The following GIPC2 variants were observed in gnomAD, a reference collection of about 807,000 sequenced individuals.
GIPC2 encodes the protein PDZ domain-containing protein GIPC2.
GIPC2 carries 30 observed loss-of-function variants against 30.6 expected under a neutral mutation model. The observed-to-expected ratio is 0.98, with a 90% CI of 0.73 to 1.33. The LOEUF (loss-of-function observed/expected upper bound fraction) is 1.33. GIPC2 is among the 40% of genes most tolerant of loss of function. The pLI is 0.00. For synonymous variants in GIPC2, 167 were observed against 150.0 expected (o/e 1.11, Z -0.83); for missense variants, 414 against 390.3 (o/e 1.06, Z -0.51).
chr1:78,053,441 G>A (rs1046474675), intron 1 of GIPC2, among the ~76,000 whole-genome samples: 5 of 152,026 alleles, frequency 3.3e-5, no homozygotes, highest in Non-Finnish European at 7.4e-5. Flanking sequence ...AAACCCCCAG[G>A]ATTTCCCATA....
chr1:78,110,806 A>G (rs1662452685), intron 3 of GIPC2, among the ~76,000 whole-genome samples: 1 of 152,174 alleles, frequency 6.6e-6, no homozygotes, highest in Non-Finnish European at 1.5e-5. Flanking sequence ...TTTCTCCAGG[A>G]AGTCTCAGGC....
At chr1:78,112,760 T>G (rs945723949) in intron 3 of GIPC2, among the ~76,000 whole-genome samples, 1 of 152,210 alleles carries the variant, frequency 6.6e-6, no homozygotes, top group African/African-American at 2.4e-5. Context: ...GCCTTTTCCA[T>G]TTCCCTTTCT....
chr1:78,066,341 C>T (rs1225080375), intron 1 of GIPC2, among the ~76,000 whole-genome samples: 1 of 152,116 alleles, frequency 6.6e-6, no homozygotes, highest in Non-Finnish European at 1.5e-5. Context: ...GATATACCGT[C>T]TCATACAAGT....
chr1:78,113,785 T>G (rs1297685341), intron 3 of GIPC2, among the ~76,000 whole-genome samples: 1 of 152,128 alleles, frequency 6.6e-6, no homozygotes, highest in Non-Finnish European at 1.5e-5. Context: ...TGCTAATGTG[T>G]TGAGATTACA....
At chr1:78,089,247 TA>T (rs1325117461) in intron 2 of GIPC2, among the ~76,000 whole-genome samples, 2 of 152,176 alleles carry the variant, frequency 1.3e-5, no homozygotes, top group Non-Finnish European at 2.9e-5. Context: ...CTTTCAGTCT[TA>T]GCCAGATCAC....
chr1:78,092,365 A>G lies in GIPC2; in HGVS notation c.427-2587A>G, dbSNP rs540906288. Among the ~76,000 whole-genome samples, 9 of 152,340 alleles carry G rather than the reference A, an allele frequency of 5.9e-5. No homozygotes were observed. In the East Asian group the frequency reaches 7.7e-4, roughly 13 times the overall value. On this transcript the variant is annotated intron_variant, in intron 2 of 5. Transcript: ENST00000370759. ...CTCTATGTTTAATAATGTAAATCCT[A>G]TCTTCCAATAAATAAATAAATCTTC...
intron 1 of GIPC2, among the ~76,000 whole-genome samples, chr1:78,061,947 C>T (rs1045271853): frequency 6.6e-6 from 1 of 152,070 alleles, no homozygotes. Context: ...ACATATTTGA[C>T]CCTCTGTAGG....
intron 2 of GIPC2, chr1:78,091,995 A>G: frequency 6.9e-7 from 1 of 1,440,270 alleles, no homozygotes; most frequent in Non-Finnish European, 9.8e-7. Flanking sequence ...ACAGTGAACT[A>G]CATTTTGTCC....
intron 2 of GIPC2, among the ~76,000 whole-genome samples, chr1:78,094,573 C>G (rs368171425): frequency 3.5e-4 from 53 of 152,024 alleles, no homozygotes; most frequent in African/African-American, 1.3e-3. Context: ...GGCACCTTAC[C>G]CATTCTTGGT....
chr1:78,051,875 C>CA (rs1661204268), intron 1 of GIPC2, among the ~76,000 whole-genome samples: 1 of 152,192 alleles, frequency 6.6e-6, no homozygotes, highest in South Asian at 2.1e-4. Context: ...CTTCTTTTGA[C>CA]ACCTGTTCCC....
At chr1:78,110,369 T>TA (rs1306618109) in intron 3 of GIPC2, among the ~76,000 whole-genome samples, 3 of 152,212 alleles carry the variant, frequency 2.0e-5, no homozygotes, top group Non-Finnish European at 4.4e-5. Flanking sequence ...TTTGAATTTT[T>TA]ATGAGAAATC....
intron 4 of GIPC2, among the ~76,000 whole-genome samples, chr1:78,124,537 T>C (rs1038426651): frequency 1.3e-5 from 2 of 152,204 alleles, no homozygotes; most frequent in Non-Finnish European, 2.9e-5. Flanking sequence ...ACCAAAGTCC[T>C]TTTCATGGTA....
intron 1 of GIPC2, among the ~76,000 whole-genome samples, chr1:78,055,157 C>T (rs1661265419): frequency 6.6e-6 from 1 of 152,158 alleles, no homozygotes; most frequent in Non-Finnish European, 1.5e-5. Flanking sequence ...GGTTCATAGA[C>T]AGCCATCTTG....
At chr1:78,106,421 A>G (rs1046099896) in intron 3 of GIPC2, among the ~76,000 whole-genome samples, 1 of 151,642 alleles carries the variant, frequency 6.6e-6, no homozygotes, top group Non-Finnish European at 1.5e-5. Context: ...TTAGCCAGGC[A>G]TGGTGGCAGG....
chr1:78,071,304 AAAT>A (rs1160014127), intron 1 of GIPC2, among the ~76,000 whole-genome samples: 1 of 152,148 alleles, frequency 6.6e-6, no homozygotes, highest in East Asian at 1.9e-4. Flanking sequence ...AATTTAAATT[AAAT>A]AATGTTATTG....
chr1:78,057,937 T>C (rs1661325651), intron 1 of GIPC2, among the ~76,000 whole-genome samples: 1 of 152,128 alleles, frequency 6.6e-6, no homozygotes, highest in Non-Finnish European at 1.5e-5. Flanking sequence ...AAATTATAGG[T>C]TTTCTTTTTA....
Position 78,061,616 on chromosome 1 carries a change from TCAGCC to T in GIPC2, c.240+15283_240+15287del, listed in dbSNP as rs1475099659. On this transcript the variant is annotated intron_variant, in intron 1 of 5. Coordinates refer to ENST00000370759, the MANE Select transcript of GIPC2 (RefSeq NM_017655.6). ...CCAGGGTTCAAGTGATTCTCCTGTT[TCAGCC>T]TCCTGAGTAGCTGGGACTACAGGCG... Among the ~76,000 whole-genome samples, 16 of 85,438 alleles carry T rather than the reference TCAGCC, an allele frequency of 1.9e-4. No individual in the cohort carries two copies. The Admixed American group carries it at 1.9e-3, about 10-fold the overall frequency. 56.1% of individuals were successfully genotyped at this position (85,438 alleles called of 152,430 possible).
chr1:78,071,623 A>C (rs1446329699), intron 1 of GIPC2, among the ~76,000 whole-genome samples: 2 of 150,516 alleles, frequency 1.3e-5, no homozygotes, highest in Non-Finnish European at 2.9e-5. Flanking sequence ...CTTTAAGAAA[A>C]GAAGAGGTCC....
rs756009709 is a variant in GIPC2 at position 78,135,749 on chromosome 1, A to T, written c.*6A>T. 2 of 1,607,546 alleles carry T rather than the reference A, an allele frequency of 1.2e-6. No individual in the cohort carries two copies. Among genetic ancestry groups the T allele is most frequent in the Non-Finnish European group, 1.7e-6 (2 of 1,177,448 alleles). ...CCAAACGAAGAGGATTATGATGTGT[A>T]CACTCCATCTCTGAAGAAACAACCC... On this transcript the variant is annotated 3_prime_UTR_variant, in exon 6 of 6. Coordinates refer to ENST00000370759, the MANE Select transcript of GIPC2 (RefSeq NM_017655.6).
Sources: gnomAD v4.1 joint callset for allele counts (sites outside exome capture counted in the v4.1 genomes callset) on GRCh38, gnomAD v4.1.1 for gene constraint, MANE v1.5 for transcripts, NCBI Gene and HGNC (gene_info 2026-07-23, HGNC 2026-07-21) for gene names.